The following CALN1 variants were observed in gnomAD, a reference collection of about 807,000 sequenced individuals.
CALN1 encodes calcium-binding protein 8.
CALN1 carries 17 observed loss-of-function variants against 30.6 expected under a neutral mutation model. The observed-to-expected ratio is 0.56, with a 90% confidence interval of 0.38 to 0.83. CALN1 has a LOEUF of 0.83. Among genes scored for constraint, CALN1 ranks in the 40% least tolerant of loss-of-function variants. The pLI is 0.00. For missense variants in CALN1, 291 were observed against 354.9 expected, an observed-to-expected ratio of 0.82 and a Z score of 1.45; for synonymous variants, 156 against 131.4, an observed-to-expected ratio of 1.19 and a Z score of -1.28.
At chr7:72,444,460 T>C (rs868146710) in intron 1 of CALN1, among the ~76,000 whole-genome samples, 40 of 152,332 alleles carry the variant, frequency 2.6e-4, no homozygotes, top group African/African-American at 7.9e-4. Flanking sequence ...TGCTTAGTCA[T>C]TAAAAACCAC....
intron 2 of CALN1, among the ~76,000 whole-genome samples, chr7:72,320,573 G>A (rs1312617798): frequency 3.9e-5 from 6 of 152,150 alleles, no homozygotes; most frequent in African/African-American, 9.7e-5. Context: ...GATGGCTCAC[G>A]CCTGTAATCC....
chr7:72,164,013 AAGAG>A (rs1449744450), intron 3 of CALN1, among the ~76,000 whole-genome samples: 3 of 152,206 alleles, frequency 2.0e-5, no homozygotes, highest in East Asian at 1.9e-4. Context: ...ATACACATTA[AAGAG>A]AGAGAAAAAA....
At chr7:71,906,734 G>A (rs1391587025) in intron 5 of CALN1, among the ~76,000 whole-genome samples, 4 of 152,162 alleles carry the variant, frequency 2.6e-5, no homozygotes, top group Non-Finnish European at 4.4e-5. Flanking sequence ...TCATGAGAAT[G>A]ATGAAGGAAA....
intron 2 of CALN1, among the ~76,000 whole-genome samples, chr7:72,346,567 G>T (rs1802651658): frequency 6.6e-6 from 1 of 152,042 alleles, no homozygotes; most frequent in African/African-American, 2.4e-5. Context: ...CCAGGCTGGA[G>T]TCCAGTGGCA....
At chr7:72,213,281 G>A (rs1792542379) in intron 3 of CALN1, among the ~76,000 whole-genome samples, 1 of 152,232 alleles carries the variant, frequency 6.6e-6, no homozygotes. Context: ...CTGGAGACAG[G>A]AAGTGGCAGT....
intron 1 of CALN1, among the ~76,000 whole-genome samples, chr7:72,445,586 C>T (rs1249986506): frequency 6.6e-6 from 1 of 152,180 alleles, no homozygotes; most frequent in African/African-American, 2.4e-5. Flanking sequence ...ACAGATCCAC[C>T]GATGGGCATG....
intron 2 of CALN1, among the ~76,000 whole-genome samples, chr7:72,293,021 A>G (rs1255824331): frequency 1.3e-5 from 2 of 152,166 alleles, no homozygotes; most frequent in East Asian, 1.9e-4. Flanking sequence ...GTTGTTCAGT[A>G]GCGCCCACTC....
At chr7:72,083,155 C>T (rs535884700) in intron 4 of CALN1, among the ~76,000 whole-genome samples, 78 of 151,970 alleles carry the variant, frequency 5.1e-4, no homozygotes, top group Non-Finnish European at 9.1e-4. Context: ...GAGCCGAGAT[C>T]GCACCACTGC....
intron 4 of CALN1, among the ~76,000 whole-genome samples, chr7:72,067,348 C>T (rs570363972): frequency 6.6e-6 from 1 of 152,192 alleles, no homozygotes; most frequent in South Asian, 2.1e-4. Flanking sequence ...CTCAAGCTAT[C>T]CTCCTGCATC....
chr7:71,965,324 C>A (rs1343237874), intron 5 of CALN1, among the ~76,000 whole-genome samples: 2 of 152,186 alleles, frequency 1.3e-5, no homozygotes, highest in Non-Finnish European at 2.9e-5. Context: ...AGCCACCATG[C>A]CCAGCCTCAC....
intron 2 of CALN1, among the ~76,000 whole-genome samples, chr7:72,316,682 C>A (rs1402427102): frequency 6.6e-6 from 1 of 152,008 alleles, no homozygotes; most frequent in Non-Finnish European, 1.5e-5. Flanking sequence ...ATGCCTGAAA[C>A]CCCAGCATTT....
chr7:71,986,610 T>C (rs1798685964), intron 5 of CALN1, among the ~76,000 whole-genome samples: 1 of 152,062 alleles, frequency 6.6e-6, no homozygotes, highest in Non-Finnish European at 1.5e-5. Context: ...AAAATGTGGT[T>C]AGAAAAGATA....
At chr7:72,194,790 C>A (rs1790874270) in intron 3 of CALN1, among the ~76,000 whole-genome samples, 1 of 151,766 alleles carries the variant, frequency 6.6e-6, no homozygotes, top group South Asian at 2.1e-4. Flanking sequence ...TGGGGTTTCA[C>A]CATGTTGGCC....
At chr7:72,211,807 TC>T (rs1289916387) in intron 3 of CALN1, among the ~76,000 whole-genome samples, 1 of 152,148 alleles carries the variant, frequency 6.6e-6, no homozygotes, top group Non-Finnish European at 1.5e-5. Flanking sequence ...GAATTAACTT[TC>T]TTCCACGTAT....
At chr7:72,306,632 A>G (rs912262580) in intron 2 of CALN1, among the ~76,000 whole-genome samples, 10 of 104,084 alleles carry the variant, frequency 9.6e-5, no homozygotes, top group African/African-American at 3.7e-4. Context: ...AAAAAAAAAA[A>G]GAAGAAAAAA....
chr7:72,238,828 A>C (rs1229579589), intron 3 of CALN1, among the ~76,000 whole-genome samples: 1 of 152,144 alleles, frequency 6.6e-6, no homozygotes, highest in Non-Finnish European at 1.5e-5. Context: ...TCCTTTGTAA[A>C]TTACCCAGTC....
chr7:71,912,046 G>T (rs899149932), intron 5 of CALN1, among the ~76,000 whole-genome samples: 1 of 151,980 alleles, frequency 6.6e-6, no homozygotes, highest in African/African-American at 2.4e-5. Flanking sequence ...TCTCTGCAAA[G>T]CTAACTGGGT....
chr7:72,429,797 G>T (rs954593839), intron 1 of CALN1, among the ~76,000 whole-genome samples: 2 of 150,060 alleles, frequency 1.3e-5, no homozygotes, highest in Admixed American at 1.3e-4. Flanking sequence ...ATGTATATAT[G>T]TGTGTGTATA....
intron 5 of CALN1, among the ~76,000 whole-genome samples, chr7:71,883,249 A>T (rs899528757): frequency 6.6e-6 from 1 of 152,118 alleles, no homozygotes; most frequent in African/African-American, 2.4e-5. Context: ...ATAAGTACTC[A>T]GAAGTATTTG....
Sources: gnomAD v4.1 joint callset for allele counts (sites outside exome capture counted in the v4.1 genomes callset) on GRCh38, gnomAD v4.1.1 for gene constraint, MANE v1.5 for transcripts, NCBI Gene and HGNC (gene_info 2026-07-23, HGNC 2026-07-21) for gene names.